Variants in AP2B1 observed in about 807,000 individuals in gnomAD.
AP2B1 encodes the protein AP-2 complex subunit beta.
AP2B1 carries 23 observed loss-of-function variants against 102.0 expected under a neutral mutation model. The ratio of observed to expected loss-of-function variants is 0.23; its 90% confidence interval spans 0.16 to 0.32. The LOEUF (loss-of-function observed/expected upper bound fraction) is 0.32, where lower values mean the gene tolerates loss of function less well. Among genes scored for constraint, AP2B1 ranks in the 10% least tolerant of loss-of-function variants. The pLI, the probability that AP2B1 is intolerant of heterozygous loss-of-function variation, is 1.00. For missense variants in AP2B1, 541 were observed against 1,157.4 expected (o/e 0.47, Z 7.73); for synonymous variants, 381 against 421.2 (o/e 0.90, Z 1.17).
chr17:35,665,126 C>CT (rs10635426), intron 14 of AP2B1, among the ~76,000 whole-genome samples: 21,490 of 116,222 alleles, frequency 0.18, 2,775 homozygotes, highest in East Asian at 0.33. Context: ...TTTGGAATAG[C>CT]TTTTTTTTTT....
At chr17:35,653,464 A>G (rs569445723) in intron 13 of AP2B1, among the ~76,000 whole-genome samples, 12 of 151,702 alleles carry the variant, frequency 7.9e-5, no homozygotes, top group Non-Finnish European at 1.2e-4. Context: ...TTGTTTGTTT[A>G]TTTGTTTGTT....
intron 21 of AP2B1, among the ~76,000 whole-genome samples, chr17:35,720,945 C>T (rs587734130): frequency 6.6e-6 from 1 of 152,012 alleles, no homozygotes; most frequent in African/African-American, 2.4e-5. Context: ...TCAGAGGTAT[C>T]TGATTTGCCT....
intron 12 of AP2B1, among the ~76,000 whole-genome samples, chr17:35,649,819 C>T (rs959498751): frequency 1.3e-5 from 2 of 151,842 alleles, no homozygotes; most frequent in African/African-American, 2.4e-5. Flanking sequence ...TGGAGTGCAG[C>T]GGTGCAGTCA....
intron 14 of AP2B1, among the ~76,000 whole-genome samples, chr17:35,662,489 T>C (rs1783617314): frequency 6.6e-6 from 1 of 151,740 alleles, no homozygotes; most frequent in Admixed American, 6.6e-5. Flanking sequence ...TTTTTTTGTT[T>C]CCTTTGGAAG....
At chr17:35,593,394 T>C (rs1186165125) in intron 1 of AP2B1, among the ~76,000 whole-genome samples, 2 of 152,240 alleles carry the variant, frequency 1.3e-5, no homozygotes, top group South Asian at 2.1e-4. Flanking sequence ...CTGCCTGTTA[T>C]CAAAATATCT....
At chr17:35,695,487 G>A (rs1428269883) in intron 18 of AP2B1, among the ~76,000 whole-genome samples, 1 of 151,948 alleles carries the variant, frequency 6.6e-6, no homozygotes. Flanking sequence ...ACATACTGGT[G>A]AAAGTTGCTT....
chr17:35,698,824 C>G (rs2076187920), intron 18 of AP2B1, among the ~76,000 whole-genome samples: 1 of 152,160 alleles, frequency 6.6e-6, no homozygotes, highest in Non-Finnish European at 1.5e-5. Flanking sequence ...TAGTTCTGAC[C>G]TTGCTGTGCT....
At chr17:35,660,089 C>T in intron 14 of AP2B1, 1 of 983,840 alleles carries the variant, frequency 1.0e-6, no homozygotes, top group Non-Finnish European at 1.2e-6. Context: ...GAGTGCTTCT[C>T]AAAATAAATT....
chr17:35,709,412 A>G (rs2076404823), intron 19 of AP2B1, 104 bp downstream of exon 19: 3 of 892,628 alleles, frequency 3.4e-6, no homozygotes, highest in Non-Finnish European at 5.5e-6. Flanking sequence ...AGGTTAAAAA[A>G]AAATGGGTTA....
In AP2B1 at chr17:35,650,677, G is replaced by A; in HGVS notation, c.1684G>A (p.Glu562Lys). The change falls in exon 13 of 22, where the codon GAG becomes AAG. Residue 562 changes from glutamate to lysine, a missense_variant. By Grantham distance (56) the Glu-to-Lys change is moderately conservative (BLOSUM62 1). Transcript: ENST00000610402. The part of the protein sequence containing the change: ...TDLIEPTLLD[E>K]LICHIGSLAS... ...CCTTATTGAGCCAACTCTGCTGGATGAGCTAATCTGCCACATTGGTTCTTT... is the reference window on the plus strand; with the variant it reads ...CCTTATTGAGCCAACTCTGCTGGATAAGCTAATCTGCCACATTGGTTCTTT... The A allele has an allele frequency of 6.2e-7, 1 of 1,614,180 alleles. No homozygotes were observed. The highest frequency in any genetic ancestry group is 8.5e-7 in the Non-Finnish European group (1 of 1,180,026).
At chr17:35,636,233 AT>A in intron 9 of AP2B1, 107 bp from the exon 10 acceptor site, 1 of 667,648 alleles carries the variant, frequency 1.5e-6, no homozygotes, top group Non-Finnish European at 2.6e-6. Context: ...GTGCCTGATC[AT>A]TTAGTTTGGT....
At chr17:35,617,021 A>T (rs912175338) in intron 5 of AP2B1, among the ~76,000 whole-genome samples, 3 of 152,208 alleles carry the variant, frequency 2.0e-5, no homozygotes, top group Non-Finnish European at 4.4e-5. Flanking sequence ...ACTGGTCCTC[A>T]TATGGAGTAA....
chr17:35,600,354 G>A (rs1414200842), intron 3 of AP2B1, among the ~76,000 whole-genome samples: 1 of 152,012 alleles, frequency 6.6e-6, no homozygotes, highest in Admixed American at 6.6e-5. Flanking sequence ...AAACTGCTGG[G>A]ATTACAGGCA....
intron 6 of AP2B1, 125 bp downstream of exon 6, chr17:35,624,712 G>GAGAGAAAATACCCT: frequency 1.3e-6 from 1 of 780,590 alleles, no homozygotes; most frequent in Non-Finnish European, 2.0e-6. Flanking sequence ...GCTATCTCCA[G>GAGAGAAAATACCCT]GGTATTTTCT....
chr17:35,606,992 G>A (rs1356456121), intron 4 of AP2B1, among the ~76,000 whole-genome samples: 1 of 150,528 alleles, frequency 6.6e-6, no homozygotes, highest in Non-Finnish European at 1.5e-5. Context: ...CACAACCTCC[G>A]CCTCCCGGGC....
chr17:35,684,422 G>A (rs2075888647), intron 18 of AP2B1, among the ~76,000 whole-genome samples: 1 of 152,210 alleles, frequency 6.6e-6, no homozygotes, highest in Non-Finnish European at 1.5e-5. Flanking sequence ...TTGATGGTGA[G>A]ACGTCAATAG....
intron 21 of AP2B1, among the ~76,000 whole-genome samples, chr17:35,719,497 CTT>C (rs2085291353): frequency 6.6e-6 from 1 of 152,190 alleles, no homozygotes; most frequent in Non-Finnish European, 1.5e-5. Flanking sequence ...CATGTAACCT[CTT>C]AAGATTGTTT....
In AP2B1 at chr17:35,601,523, C is replaced by T. The variant is rs1010476867; in HGVS notation, c.143+3188C>T. Among the ~76,000 whole-genome samples, 7 of 152,166 alleles carry T rather than the reference C, an allele frequency of 4.6e-5. No homozygotes were observed. The East Asian group carries it at 7.7e-4, about 17-fold the overall frequency. On this transcript the variant is annotated intron_variant, in intron 3 of 21. Coordinates refer to ENST00000610402, the MANE Select transcript of AP2B1 (RefSeq NM_001030006.2). ...ACGCCAAGTGATCCGCCTGCCTTGGCCCCCCGAAGTGTTGGGATTACAGGC... is the reference window on the plus strand; with the variant it reads ...ACGCCAAGTGATCCGCCTGCCTTGGTCCCCCGAAGTGTTGGGATTACAGGC...
At chr17:35,605,210 TTTC>T (rs2073628898) in intron 3 of AP2B1, among the ~76,000 whole-genome samples, 1 of 151,630 alleles carries the variant, frequency 6.6e-6, no homozygotes, top group African/African-American at 2.4e-5. Context: ...TGGCCTACAG[TTTC>T]TTTTCTTTTC....
Sources: allele counts gnomAD v4.1 joint callset (sites outside exome capture counted in the v4.1 genomes callset), GRCh38; gene constraint gnomAD v4.1.1; transcripts MANE v1.5; gene names NCBI Gene and HGNC (gene_info 2026-07-23, HGNC 2026-07-21).